The following OR2A5 variants were observed in gnomAD, a reference collection of about 807,000 sequenced individuals.
The protein encoded by OR2A5 is olfactory receptor family 2 subfamily A member 5, also known as olfactory receptor 2A5.
OR2A5 carries 2 observed loss-of-function variants against 1.9 expected under a neutral mutation model. The ratio of observed to expected loss-of-function variants is 1.04; its 90% CI spans 0.43 to 3.28. The LOEUF (loss-of-function observed/expected upper bound fraction) is 3.28. Ranked by LOEUF, OR2A5 falls within the 30% of genes most tolerant of loss-of-function variation. The pLI is 0.08. For missense variants in OR2A5, 391 were observed against 375.9 expected, an observed-to-expected ratio of 1.04 and a Z score of -0.33; for synonymous variants, 160 against 154.5, an observed-to-expected ratio of 1.04 and a Z score of -0.26.
Position 144,051,237 on chromosome 7 carries a change from G to C in OR2A5, c.836G>C (p.Ser279Thr). Residue 279 changes from serine (S) to threonine (T), a missense_variant, in exon 2 of 2, where the codon AGC becomes ACC. Physicochemically the swap from Ser to Thr is moderately conservative, Grantham distance 58. Coordinates refer to ENST00000641693, the MANE Select transcript of OR2A5 (RefSeq NM_012365.2). ...EQQKVLSLFY[S>T]LFNPMLNPLI... Reference sequence around the variant, plus strand: ...CAGAAGGTCCTTTCCCTGTTTTACAGCCTTTTCAACCCGATGCTGAACCCC... The same window carrying C: ...CAGAAGGTCCTTTCCCTGTTTTACACCCTTTTCAACCCGATGCTGAACCCC... 6.2e-7 allele frequency: 1 copy of C among 1,613,964 alleles called. No individual in the cohort carries two copies. The highest frequency in any genetic ancestry group is 8.5e-7 in the Non-Finnish European group (1 of 1,179,866).
Position 144,051,074 on chromosome 7 carries a change from A to T in OR2A5, c.673A>T (p.Ile225Phe). The change falls in exon 2 of 2, where the codon ATC becomes TTC. Residue 225 changes from isoleucine to phenylalanine, a missense_variant. By Grantham distance (21) the Ile-to-Phe change is conservative. Coordinates refer to ENST00000641693, the MANE Select transcript of OR2A5 (RefSeq NM_012365.2). ...CTCCTACTCGCGCATCCTGGCGGCC[A>T]TCTTGAGGATCCAGTCTGGGGAGGG... ...LVSYSRILAA[I>F]LRIQSGEGRR... is the part of the protein sequence containing the mutation. 1 of 1,614,126 alleles carries T rather than the reference A, an allele frequency of 6.2e-7. No homozygotes were observed. The highest frequency in any genetic ancestry group is 2.2e-5 in the East Asian group (1 of 44,872).
chr7:144,051,226 CCT>C lies in OR2A5; in HGVS notation c.826_827del (p.Leu276ValfsTer15). 1 of 1,614,146 alleles carries C rather than the reference CCT, an allele frequency of 6.2e-7. No homozygotes were observed. Among genetic ancestry groups the C allele is most frequent in the South Asian group, 1.1e-5 (1 of 91,084 alleles). ...HPEEQQKVLS[L>X]FYSLFNPMLN... ...CTGAGGAGCAGCAGAAGGTCCTTTCCCTGTTTTACAGCCTTTTCAACCCGATG... is the reference window on the plus strand; with the variant it reads ...CTGAGGAGCAGCAGAAGGTCCTTTCCGTTTTACAGCCTTTTCAACCCGATG... On this transcript the variant is annotated frameshift_variant, in exon 2 of 2. Transcript: ENST00000641693. LOFTEE classifies it high-confidence loss of function.
chr7:144,051,208 G>A lies in OR2A5; in HGVS notation c.807G>A (p.Glu269=). ...YMAPKSRHPE[E]QQKVLSLFYS... is the part of the protein sequence containing the mutation. ...CCCCCAAGTCCCGCCACCCTGAGGA[G>A]CAGCAGAAGGTCCTTTCCCTGTTTT... is the stretch of plus-strand genomic sequence containing the variant. Residue 269 remains glutamate (E), a synonymous_variant, in exon 2 of 2, where the codon GAG becomes GAA. Transcript: ENST00000641693. 6.2e-7 allele frequency: 1 copy of A among 1,614,196 alleles called. No individual in the cohort carries two copies.
In OR2A5 at chr7:144,057,018, G is replaced by T. The variant is rs1430732545; in HGVS notation, c.*5681G>T. On this transcript the variant is annotated 3_prime_UTR_variant, in exon 2 of 2. Coordinates refer to ENST00000641693, the MANE Select transcript of OR2A5 (RefSeq NM_012365.2). ...TTTAGTAGAGACGGGGTTTCACTGT[G>T]TTAGCCAGGATGGTCTCGATCTGCT... The T allele has an allele frequency of 6.6e-6, 1 of 152,032 alleles. No individual in the cohort carries two copies. The highest frequency in any genetic ancestry group is 6.6e-5 in the Admixed American group (1 of 15,264). The allele number at this position is 152,032 out of a possible 1,614,324, so 9.4% of individuals were successfully genotyped here.
chr7:144,057,818 T>C lies in OR2A5; in HGVS notation c.*6481T>C, dbSNP rs979520432. ...TAAAGAATAATAGTAAATATAATTGTTGAATGTAAACAAAATAGCTTTTTA... is the reference window on the plus strand; with the variant it reads ...TAAAGAATAATAGTAAATATAATTGCTGAATGTAAACAAAATAGCTTTTTA... On this transcript the variant is annotated 3_prime_UTR_variant, in exon 2 of 2. Coordinates refer to ENST00000641693, the MANE Select transcript of OR2A5 (RefSeq NM_012365.2). The C allele has an allele frequency of 6.6e-6, 1 of 152,164 alleles. No homozygotes were observed. Among genetic ancestry groups the C allele is most frequent in the Non-Finnish European group, 1.5e-5 (1 of 68,016 alleles). 9.4% of individuals were successfully genotyped at this position (152,164 alleles called of 1,614,324 possible). A position where few individuals can be genotyped will look rare whatever the true frequency, so the allele number is the denominator to read the frequency against.
chr7:144,050,568 C>A lies in OR2A5; in HGVS notation c.167C>A (p.Thr56Asn), dbSNP rs578229821. Reference sequence around the variant, plus strand: ...ATCTGGCTGGACTCCAGACTGCACACCCCCATGTACTTCTTTCTCTCACAC... The same window carrying A: ...ATCTGGCTGGACTCCAGACTGCACAACCCCATGTACTTCTTTCTCTCACAC... ...GLIWLDSRLHTPMYFFLSHLA... is the reference protein window; with the variant it reads ...GLIWLDSRLHNPMYFFLSHLA... The change falls in exon 2 of 2, where the codon ACC becomes AAC. Residue 56 changes from threonine to asparagine, a missense_variant. Transcript: ENST00000641693. 2.5e-6 allele frequency: 4 copies of A among 1,609,822 alleles called. No homozygotes were observed. Among genetic ancestry groups the A allele is most frequent in the Admixed American group, 3.3e-5 (2 of 59,884 alleles).
chr7:144,049,458 G>A (rs1374642917), intron 1 of OR2A5, among the ~76,000 whole-genome samples: 2 of 152,132 alleles, frequency 1.3e-5, no homozygotes. Context: ...TGAAATCTAG[G>A]ATATGCTCTT....
rs2050922835 is a variant in OR2A5, at chr7:144,054,045, G to A, written c.*2708G>A. ...TCTTTACCTTTATGATGTGATTAAT[G>A]CTTTTCCAGGAAGTGTCCCCATCTC... On this transcript the variant is annotated 3_prime_UTR_variant, in exon 2 of 2. Transcript: ENST00000641693. The A allele has an allele frequency of 6.6e-6, 1 of 152,162 alleles. No individual in the cohort carries two copies. The highest frequency in any genetic ancestry group is 1.5e-5 in the Non-Finnish European group (1 of 68,052). 9.4% of individuals were successfully genotyped at this position (152,162 alleles called of 1,614,324 possible).
In OR2A5 at chr7:144,051,052, C is replaced by T. The variant is rs1387182806; in HGVS notation, c.651C>T (p.Ser217=). The change falls in exon 2 of 2, where the codon TCC becomes TCT. Residue 217 remains serine (S), a synonymous_variant. Transcript: ENST00000641693. ...LVGPLCLVLV[S]YSRILAAILR... Reference sequence around the variant, plus strand: ...GGCCGCTCTGCCTGGTGCTGGTCTCCTACTCGCGCATCCTGGCGGCCATCT... The same window carrying T: ...GGCCGCTCTGCCTGGTGCTGGTCTCTTACTCGCGCATCCTGGCGGCCATCT... 1 of 1,614,200 alleles carries T rather than the reference C, an allele frequency of 6.2e-7. No homozygotes were observed. The highest frequency in any genetic ancestry group is 8.5e-7 in the Non-Finnish European group (1 of 1,180,038).
At position 144,050,569 on chromosome 7, in the gene OR2A5, C is replaced by T; in HGVS notation, c.168C>T (p.Thr56=). 6.2e-7 allele frequency: 1 copy of T among 1,610,038 alleles called. No individual in the cohort carries two copies. The highest frequency in any genetic ancestry group is 8.5e-7 in the Non-Finnish European group (1 of 1,177,826). ...GLIWLDSRLH[T]PMYFFLSHLA... The stretch of plus-strand genomic sequence containing the variant: ...TCTGGCTGGACTCCAGACTGCACAC[C>T]CCCATGTACTTCTTTCTCTCACACC... The change falls in exon 2 of 2, where the codon ACC becomes ACT. Residue 56 remains threonine, a synonymous_variant. Transcript: ENST00000641693.
rs1298352779 is a variant in OR2A5, at chr7:144,050,619, C to T, written c.218C>T (p.Ala73Val). Reference protein sequence around the residue: ...SHLAIIDISYASNNVPKMLTN... With the variant: ...SHLAIIDISYVSNNVPKMLTN... Reference sequence around the variant, plus strand: ...CTGGCCATCATTGATATTTCGTATGCTTCCAACAATGTCCCCAAGATGCTG... The same window carrying T: ...CTGGCCATCATTGATATTTCGTATGTTTCCAACAATGTCCCCAAGATGCTG... Residue 73 changes from alanine to valine, a missense_variant, in exon 2 of 2, where the codon GCT (alanine) becomes GTT (valine). By Grantham distance (64) the Ala-to-Val change is moderately conservative. Coordinates refer to ENST00000641693, the MANE Select transcript of OR2A5 (RefSeq NM_012365.2). 1.9e-6 allele frequency: 3 copies of T among 1,612,870 alleles called. No individual in the cohort carries two copies. The highest frequency in any genetic ancestry group is 2.2e-5 in the East Asian group (1 of 44,884).
In OR2A5 at chr7:144,051,327, G is replaced by C; in HGVS notation, c.926G>C (p.Arg309Thr). ...GALKRVLWKQ[R>T]SK is the part of the protein sequence containing the mutation. Reference sequence around the variant, plus strand: ...CTGAAAAGAGTGTTGTGGAAACAGAGATCAAAGTGAGGGATGCCAGGGAAA... The same window carrying C: ...CTGAAAAGAGTGTTGTGGAAACAGACATCAAAGTGAGGGATGCCAGGGAAA... The change falls in exon 2 of 2, where the codon AGA (arginine) becomes ACA (threonine). Residue 309 changes from arginine to threonine, a missense_variant. Transcript: ENST00000641693. The C allele has an allele frequency of 1.2e-6, 2 of 1,602,236 alleles. No individual in the cohort carries two copies. The highest frequency in any genetic ancestry group is 1.7e-6 in the Non-Finnish European group (2 of 1,173,856).
rs1258852149 is a variant in OR2A5, at chr7:144,058,406, A to G, written c.*7069A>G. ...TTTATTGATGGACACATGTTGTATTAGTCTGTTCTCATGCTGCTAATAAAG... is the reference window on the plus strand; with the variant it reads ...TTTATTGATGGACACATGTTGTATTGGTCTGTTCTCATGCTGCTAATAAAG... On this transcript the variant is annotated 3_prime_UTR_variant, in exon 2 of 2. Transcript: ENST00000641693. 1 of 152,166 alleles carries G rather than the reference A, an allele frequency of 6.6e-6. No individual in the cohort carries two copies. Among genetic ancestry groups the G allele is most frequent in the South Asian group, 2.1e-4 (1 of 4,820 alleles). 9.4% of individuals were successfully genotyped at this position (152,166 alleles called of 1,614,324 possible).
rs1392612860 is a variant in OR2A5, at chr7:144,051,655, A to G, written c.*318A>G. 2 of 283,616 alleles carry G rather than the reference A, an allele frequency of 7.1e-6. No homozygotes were observed. Among genetic ancestry groups the G allele is most frequent in the East Asian group, 7.7e-5 (1 of 13,032 alleles). The allele number at this position is 283,616 out of a possible 1,614,324, so 17.6% of individuals were successfully genotyped here. A position where few individuals can be genotyped will look rare whatever the true frequency, so the allele number is the denominator to read the frequency against. ...CCTCTTAAATTCCTCTATTATTTCC[A>G]TCTCTTTTTGCCATAAGTATATGCT... On this transcript the variant is annotated 3_prime_UTR_variant, in exon 2 of 2. Transcript: ENST00000641693.
At position 144,056,801 on chromosome 7, in the gene OR2A5, G is replaced by GACTA. The variant is rs1281954442; in HGVS notation, c.*5468_*5471dup. ...TAAAACACGCATTCCCTGAAATAAG[G>GACTA]ACTAACTCTTGTTTTTTTTTTTTTT... is the stretch of plus-strand genomic sequence containing the variant. On this transcript the variant is annotated 3_prime_UTR_variant, in exon 2 of 2. Transcript: ENST00000641693. 1 of 147,610 alleles carries GACTA rather than the reference G, an allele frequency of 6.8e-6. No homozygotes were observed. The highest frequency in any genetic ancestry group is 1.5e-5 in the Non-Finnish European group (1 of 67,492). The allele number at this position is 147,610 out of a possible 1,614,324, so 9.1% of individuals were successfully genotyped here. A position where few individuals can be genotyped will look rare whatever the true frequency, so the allele number is the denominator to read the frequency against.
In OR2A5 at chr7:144,050,690, T is replaced by C. The variant is rs1211368447; in HGVS notation, c.289T>C (p.Cys97Arg). 6.2e-7 allele frequency: 1 copy of C among 1,614,204 alleles called. No homozygotes were observed. Among genetic ancestry groups the C allele is most frequent in the Non-Finnish European group, 8.5e-7 (1 of 1,180,024 alleles). ...GAGAAAAACAATCTCCTTTGTCCCATGCACAATGCAGACCTTTTTATACAT... is the reference window on the plus strand; with the variant it reads ...GAGAAAAACAATCTCCTTTGTCCCACGCACAATGCAGACCTTTTTATACAT... Reference protein sequence around the residue: ...NKRKTISFVPCTMQTFLYMAF... With the variant: ...NKRKTISFVPRTMQTFLYMAF... Residue 97 changes from cysteine to arginine, a missense_variant, in exon 2 of 2, where the codon TGC (cysteine) becomes CGC (arginine). Coordinates refer to ENST00000641693, the MANE Select transcript of OR2A5 (RefSeq NM_012365.2).
At position 144,050,994 on chromosome 7, in the gene OR2A5, T is replaced by C. The variant is rs2050899377; in HGVS notation, c.593T>C (p.Val198Ala). The change falls in exon 2 of 2, where the codon GTC becomes GCC. Residue 198 changes from valine to alanine, a missense_variant. Val to Ala is a moderately conservative substitution (Grantham distance 64). Transcript: ENST00000641693. ...ACADTWLNQVVIFAASVFILV... is the reference protein window; with the variant it reads ...ACADTWLNQVAIFAASVFILV... ...GCTGACACCTGGCTCAACCAGGTGGTCATCTTTGCTGCTTCAGTGTTCATC... is the reference window on the plus strand; with the variant it reads ...GCTGACACCTGGCTCAACCAGGTGGCCATCTTTGCTGCTTCAGTGTTCATC... The C allele has an allele frequency of 3.1e-6, 5 of 1,614,204 alleles. No individual in the cohort carries two copies. Among genetic ancestry groups the C allele is most frequent in the Non-Finnish European group, 4.2e-6 (5 of 1,180,032 alleles).
chr7:144,050,338 A>G lies in OR2A5; in HGVS notation c.-51-13A>G. The G allele has an allele frequency of 9.3e-7, 1 of 1,072,588 alleles. No homozygotes were observed. Among genetic ancestry groups the G allele is most frequent in the Non-Finnish European group, 1.4e-6 (1 of 733,362 alleles). The allele number at this position is 1,072,588 out of a possible 1,614,324, so 66.4% of individuals were successfully genotyped here. On this transcript the variant is annotated splice_polypyrimidine_tract_variant and intron_variant, in intron 1 of 1. Coordinates refer to ENST00000641693, the MANE Select transcript of OR2A5 (RefSeq NM_012365.2). ...TGTTAACTGACTAATCCGGATCTGC[A>G]TTTGCTCCTCAGCACATAGCTCATT...
rs751161982 is a variant in OR2A5, at chr7:144,050,537, G to A, written c.136G>A (p.Gly46Arg). 1.7e-5 allele frequency: 27 copies of A among 1,609,270 alleles called. No individual in the cohort carries two copies. The highest frequency in any genetic ancestry group is 2.0e-5 in the Non-Finnish European group (23 of 1,177,562). Residue 46 changes from glycine (G) to arginine (R), a missense_variant, in exon 2 of 2, where the codon GGG becomes AGG. Transcript: ENST00000641693. ...FTLLGNGAILGLIWLDSRLHT... is the reference protein window; with the variant it reads ...FTLLGNGAILRLIWLDSRLHT... ...CCTGCTGGGAAATGGGGCCATCCTG[G>A]GGCTCATCTGGCTGGACTCCAGACT...
Sources: allele counts gnomAD v4.1 joint callset (sites outside exome capture counted in the v4.1 genomes callset), GRCh38; gene constraint gnomAD v4.1.1; transcripts MANE v1.5; gene names NCBI Gene and HGNC (gene_info 2026-07-23, HGNC 2026-07-21).